Variants in ADGRB1 observed in about 807,000 individuals in gnomAD.
ADGRB1 encodes the protein adhesion G protein-coupled receptor B1.
ADGRB1 carries 36 observed loss-of-function variants against 175.7 expected under a neutral mutation model. The ratio of observed to expected loss-of-function variants is 0.20; its 90% CI spans 0.16 to 0.27. ADGRB1 has a LOEUF of 0.27. Ranked by LOEUF, ADGRB1 falls within the 10% of genes least tolerant of loss-of-function variation. The probability of loss-of-function intolerance (pLI) is 1.00; values close to 1 mark genes in which losing one functional copy is unlikely to be tolerated. For missense variants in ADGRB1, 1,731 were observed against 2,255.3 expected (o/e 0.77, Z 4.71); for synonymous variants, 1,054 against 979.4 (o/e 1.08, Z -1.42).
At position 142,510,499 on chromosome 8, in the gene ADGRB1, TCGCACCCTCCCCG is replaced by T. The variant is rs1843031595; in HGVS notation, c.2676-431_2676-419del. ...CCCGCGCCCCCAGGCCACACCCGGC[TCGCACCCTCCCCG>T]CTCCACGTGCGCCCACGCGCCCCTC... On this transcript the variant is annotated intron_variant, in intron 17 of 30. Coordinates refer to ENST00000517894, the MANE Select transcript of ADGRB1 (RefSeq NM_001702.3). This position sits in a 1 kb window ranked among gnomAD's most constrained non-coding sequence, Gnocchi z 6.3. 1.3e-5 allele frequency among the ~76,000 whole-genome samples: 2 copies of T among 149,034 alleles called. No individual in the cohort carries two copies. The highest frequency in any genetic ancestry group is 4.9e-5 in the African/African-American group (2 of 40,438).
At chr8:142,532,884 A>G (rs1200308807) in intron 24 of ADGRB1, among the ~76,000 whole-genome samples, 1 of 152,000 alleles carries the variant, frequency 6.6e-6, no homozygotes, top group Non-Finnish European at 1.5e-5. Context: ...ACTGTCAGGA[A>G]CCTGGATCTT....
chr8:142,526,661 C>T (rs375786793), intron 24 of ADGRB1, 34 bp downstream of exon 24: 101 of 1,583,480 alleles, frequency 6.4e-5, no homozygotes, highest in Admixed American at 5.6e-4. Flanking sequence ...CTTGCCCACC[C>T]GGAGTGCAAG....
rs531109261 is a variant in ADGRB1 at position 142,526,693 on chromosome 8, G to A, written c.3398+66G>A. 21 of 1,471,410 alleles carry A rather than the reference G, an allele frequency of 1.4e-5. 1 individual carries two copies. The highest frequency in any genetic ancestry group is 3.5e-4 in the Middle Eastern group (2 of 5,772). 91.1% of individuals were successfully genotyped at this position (1,471,410 alleles called of 1,614,324 possible). On this transcript the variant is annotated intron_variant, in intron 24 of 30. Transcript: ENST00000517894. ...CAAGACCCAGAGCCCACCCAGCCCC[G>A]GGGGATGGAGAACGCTCCATGCCCA...
chr8:142,464,519 C>T lies in ADGRB1; in HGVS notation c.321C>T (p.Phe107=), dbSNP rs762732885. 1.5e-5 allele frequency: 23 copies of T among 1,577,316 alleles called. No homozygotes were observed. The highest frequency in any genetic ancestry group is 7.0e-5 in the South Asian group (6 of 86,120). Residue 107 remains phenylalanine (F), a synonymous_variant, in exon 2 of 31, where the codon TTC becomes TTT. Transcript: ENST00000517894. ...TGCGCACCTACCAGTTCGACTCCTT[C>T]CTCGAGTCCACGCGCACCTACCTGG... The part of the protein sequence containing the change: ...GRVRTYQFDS[F]LESTRTYLGV...
intron 17 of ADGRB1, 131 bp downstream of exon 17, chr8:142,490,946 C>A (rs1388238915): frequency 2.5e-6 from 3 of 1,218,160 alleles, no homozygotes; most frequent in East Asian, 5.2e-5. Context: ...CCCGCATGGG[C>A]CTCCGTGTCA....
At position 142,527,093 on chromosome 8, in the gene ADGRB1, A is replaced by C. The variant is rs146451301; in HGVS notation, c.3398+466A>C. 2.4e-3 allele frequency among the ~76,000 whole-genome samples: 371 copies of C among 152,280 alleles called. 3 individuals carry two copies. Among genetic ancestry groups the C allele is most frequent in the South Asian group, 0.021 (102 of 4,832 alleles). ...ATGGTGCAGAGGACAGGTGGAGCTG[A>C]TGTTCCTCCCTCCGGGGAACCCAAG... On this transcript the variant is annotated intron_variant, in intron 24 of 30. Coordinates refer to ENST00000517894, the MANE Select transcript of ADGRB1 (RefSeq NM_001702.3).
Position 142,464,886 on chromosome 8 carries a change from C to A in ADGRB1, c.688C>A (p.Pro230Thr). Residue 230 changes from proline to threonine, a missense_variant, in exon 2 of 31, where the codon CCC becomes ACC. By Grantham distance (38) the Pro-to-Thr change is conservative. This residue lies in a region of ADGRB1 where 383 missense variants were observed against 383.1 expected (regional missense o/e 1.00). Transcript: ENST00000517894. ...CGGCCCTGCCGCGGGACCCCTGGCC[C>A]CCCGCGGGGATGTCTGCTTGAGAGA... ...AGGPAAGPLA[P>T]RGDVCLRDAV... The A allele has an allele frequency of 2.0e-6, 3 of 1,524,806 alleles. No individual in the cohort carries two copies. Among genetic ancestry groups the A allele is most frequent in the Non-Finnish European group, 2.6e-6 (3 of 1,141,460 alleles). 94.5% of individuals were successfully genotyped at this position (1,524,806 alleles called of 1,614,324 possible). A position where few individuals can be genotyped will look rare whatever the true frequency, so the allele number is the denominator to read the frequency against.
At chr8:142,503,147 C>T (rs948752557) in intron 17 of ADGRB1, among the ~76,000 whole-genome samples, 1 of 151,652 alleles carries the variant, frequency 6.6e-6, no homozygotes, top group Admixed American at 6.6e-5. Flanking sequence ...GCAGCCCAAG[C>T]CCCCTGAGGG....
At chr8:142,538,674 G>A (rs943933046) in intron 26 of ADGRB1, among the ~76,000 whole-genome samples, 1 of 152,214 alleles carries the variant, frequency 6.6e-6, no homozygotes, top group East Asian at 1.9e-4. Context: ...GCTCCCTGAG[G>A]GCGGGTCTGG....
At chr8:142,519,012 TG>T (rs1330518865) in intron 19 of ADGRB1, among the ~76,000 whole-genome samples, 2 of 151,148 alleles carry the variant, frequency 1.3e-5, no homozygotes, top group Non-Finnish European at 2.9e-5. Flanking sequence ...TGGGGGAGGG[TG>T]GCCGAGCTTT....
intron 1 of ADGRB1, among the ~76,000 whole-genome samples, chr8:142,451,126 C>T (rs1839326715): frequency 6.6e-6 from 1 of 152,210 alleles, no homozygotes; most frequent in East Asian, 1.9e-4. Flanking sequence ...GCCCCCTGGG[C>T]GAGGTAGAGA....
Position 142,511,800 on chromosome 8 carries a change from GGGCCCAGGCCGA to G in ADGRB1, c.2817+736_2817+747del, listed in dbSNP as rs1030728878. On this transcript the variant is annotated intron_variant, in intron 18 of 30. Transcript: ENST00000517894. This position sits in a 1 kb window ranked among gnomAD's most constrained non-coding sequence, Gnocchi z 4.5. ...TGAGGTGGGCCACAGCCCTCTACTG[GGGCCCAGGCCGA>G]GGCCCAGGACAGCCCACAGAGCAGG... Among the ~76,000 whole-genome samples the G allele has an allele frequency of 1.3e-5, 2 of 151,462 alleles. No homozygotes were observed. The highest frequency in any genetic ancestry group is 2.9e-5 in the Non-Finnish European group (2 of 68,018).
intron 27 of ADGRB1, chr8:142,540,157 A>C (rs1364188454): frequency 1.3e-5 from 2 of 152,278 alleles, no homozygotes; most frequent in Non-Finnish European, 2.9e-5. Flanking sequence ...GGTCATTTAG[A>C]TATTTGAAGA....
intron 17 of ADGRB1, among the ~76,000 whole-genome samples, chr8:142,500,449 G>A (rs1313730360): frequency 1.4e-5 from 2 of 145,170 alleles, no homozygotes; most frequent in South Asian, 2.2e-4. Context: ...TCCACCTTGG[G>A]AGCTCCTCTC....
chr8:142,526,943 G>C (rs1307577244), intron 24 of ADGRB1, among the ~76,000 whole-genome samples: 1 of 152,186 alleles, frequency 6.6e-6, no homozygotes, highest in African/African-American at 2.4e-5. Flanking sequence ...TGCCCCCAAG[G>C]CTGGGTGCTG....
chr8:142,475,611 C>G lies in ADGRB1; in HGVS notation c.922C>G (p.Gln308Glu). The change falls in exon 3 of 31, where the codon CAG becomes GAG. Residue 308 changes from glutamine (Q) to glutamate (E), a missense_variant. By Grantham distance (29) the Gln-to-Glu change is conservative. Coordinates refer to ENST00000517894, the MANE Select transcript of ADGRB1 (RefSeq NM_001702.3). Reference protein sequence around the residue: ...GCEGVLEEGRQCNREACGPAG... With the variant: ...GCEGVLEEGRECNREACGPAG... ...CGAGGGGGTGCTGGAGGAGGGTCGC[C>G]AGTGCAACCGCGAGGCCTGCGGCCG... 8.1e-7 allele frequency: 1 copy of G among 1,235,288 alleles called. No homozygotes were observed. The highest frequency in any genetic ancestry group is 1.0e-6 in the Non-Finnish European group (1 of 989,436). The allele number at this position is 1,235,288 out of a possible 1,614,324, so 76.5% of individuals were successfully genotyped here.
At position 142,502,640 on chromosome 8, in the gene ADGRB1, G is replaced by A. The variant is rs1251685672; in HGVS notation, c.2676-8292G>A. On this transcript the variant is annotated intron_variant, in intron 17 of 30. Coordinates refer to ENST00000517894, the MANE Select transcript of ADGRB1 (RefSeq NM_001702.3). ...CTGTAGTGAAGATGGGGACGGTGAC[G>A]GTGGTGATGGTGGTGATGGTGATGG... Among the ~76,000 whole-genome samples, 8 of 45,838 alleles carry A rather than the reference G, an allele frequency of 1.7e-4. No homozygotes were observed. The South Asian group carries it at 2.7e-3, about 15-fold the overall frequency. 30.1% of individuals were successfully genotyped at this position (45,838 alleles called of 152,430 possible).
chr8:142,463,052 C>T (rs62511452), intron 1 of ADGRB1, among the ~76,000 whole-genome samples: 1,841 of 152,288 alleles, frequency 0.012, 14 homozygotes, highest in Non-Finnish European at 0.02. Flanking sequence ...ATGGGTTCTC[C>T]GACCCACTCA....
At chr8:142,463,783 C>G (rs1045790708) in intron 1 of ADGRB1, among the ~76,000 whole-genome samples, 197 bp from the exon 2 acceptor site, 4 of 152,238 alleles carry the variant, frequency 2.6e-5, no homozygotes, top group Admixed American at 2.6e-4. Flanking sequence ...TGCAGGTGGT[C>G]ACATTGGTGA....
Sources: allele counts gnomAD v4.1 joint callset (sites outside exome capture counted in the v4.1 genomes callset), GRCh38; gene constraint gnomAD v4.1.1; regional missense constraint gnomAD v4.1.1; non-coding constraint Gnocchi (gnomAD v3.1); transcripts MANE v1.5; gene names NCBI Gene and HGNC (gene_info 2026-07-23, HGNC 2026-07-21).